Variants in PLEKHA7 observed in about 807,000 individuals in gnomAD.
The protein encoded by PLEKHA7 is pleckstrin homology domain containing A7, also known as pleckstrin homology domain-containing family A member 7.
In PLEKHA7, 104 loss-of-function variants were observed where a neutral mutation model predicts 170.0. The observed-to-expected ratio is 0.61, with a 90% CI of 0.52 to 0.72. The LOEUF (loss-of-function observed/expected upper bound fraction) is 0.72, where lower values mean the gene tolerates loss of function less well. Ranked by LOEUF, PLEKHA7 falls within the 30% of genes least tolerant of loss-of-function variation. The pLI, the probability that PLEKHA7 is intolerant of heterozygous loss-of-function variation, is 0.00. For synonymous variants in PLEKHA7, 648 were observed against 660.8 expected (o/e 0.98, Z 0.30); for missense variants, 1,615 against 1,671.7 (o/e 0.97, Z 0.59).
At chr11:16,987,049 TCAAATTAATTGCC>T (rs889099151) in intron 3 of PLEKHA7, among the ~76,000 whole-genome samples, 6 of 152,136 alleles carry the variant, frequency 3.9e-5, no homozygotes, top group Non-Finnish European at 8.8e-5. Flanking sequence ...TTACAATCCA[TCAAATTAATTGCC>T]CCAAATGGGA....
intron 3 of PLEKHA7, among the ~76,000 whole-genome samples, chr11:17,005,624 C>G (rs1006733535): frequency 6.6e-6 from 1 of 152,202 alleles, no homozygotes; most frequent in African/African-American, 2.4e-5. Flanking sequence ...GAAAACACCT[C>G]TTCCCAACCC....
At position 16,789,834 on chromosome 11, in the gene PLEKHA7, C is replaced by G; in HGVS notation, c.3097G>C (p.Ala1033Pro). Residue 1033 changes from alanine (A) to proline (P), a missense_variant, in exon 22 of 27, where the codon GCT (alanine) becomes CCT (proline). By Grantham distance (27) the Ala-to-Pro change is conservative. Coordinates refer to ENST00000531066, the MANE Select transcript of PLEKHA7 (RefSeq NM_001329630.2). The surrounding 1 kb of genome is among the most constrained non-coding windows in gnomAD (Gnocchi z 4.6). Reference sequence around the variant, plus strand: ...CCCCTCCGGAGTGTGACGTAGGGAGCAATGGTGGACGACTGCTGGAGCCTT... The same window carrying G: ...CCCCTCCGGAGTGTGACGTAGGGAGGAATGGTGGACGACTGCTGGAGCCTT... ...TSRLQQSSTI[A>P]PYVTLRRGLN... 1 of 1,614,144 alleles carries G rather than the reference C, an allele frequency of 6.2e-7. No individual in the cohort carries two copies. Among genetic ancestry groups the G allele is most frequent in the East Asian group, 2.2e-5 (1 of 44,892 alleles).
At chr11:17,007,660 G>A (rs546691909) in intron 3 of PLEKHA7, among the ~76,000 whole-genome samples, 4 of 148,890 alleles carry the variant, frequency 2.7e-5, no homozygotes, top group South Asian at 2.1e-4. Context: ...GGCAACCTCC[G>A]CTTCCCAAGC....
chr11:16,882,211 G>T (rs964404578), intron 3 of PLEKHA7, among the ~76,000 whole-genome samples: 1 of 152,168 alleles, frequency 6.6e-6, no homozygotes, highest in African/African-American at 2.4e-5. Flanking sequence ...GTCCACTTAG[G>T]ATGACTGTAT....
intron 4 of PLEKHA7, among the ~76,000 whole-genome samples, chr11:16,869,250 C>A (rs965758948): frequency 6.6e-6 from 1 of 152,230 alleles, no homozygotes; most frequent in Non-Finnish European, 1.5e-5. Flanking sequence ...CCAACCCCAG[C>A]CCCTGACTGT....
chr11:17,003,179 TG>T (rs1317859472), intron 3 of PLEKHA7, among the ~76,000 whole-genome samples: 6 of 152,068 alleles, frequency 3.9e-5, no homozygotes, highest in Admixed American at 1.3e-4. Context: ...TTAGTAGAGA[TG>T]GGGTTTCTCC....
At chr11:16,779,829 G>C (rs975686460) in intron 26 of PLEKHA7, among the ~76,000 whole-genome samples, 2 of 152,196 alleles carry the variant, frequency 1.3e-5, no homozygotes, top group African/African-American at 4.8e-5. Flanking sequence ...GCTGCTCGGG[G>C]CGGCCCAGAT....
chr11:17,004,397 C>CT (rs11420002), intron 3 of PLEKHA7, among the ~76,000 whole-genome samples: 90,985 of 144,480 alleles, frequency 0.63, 29,032 homozygotes, highest in East Asian at 0.96. Context: ...TTTTCTTTTT[C>CT]TTTTTTTTTT....
chr11:16,998,724 T>C (rs1864489698), intron 3 of PLEKHA7, among the ~76,000 whole-genome samples: 1 of 152,198 alleles, frequency 6.6e-6, no homozygotes, highest in African/African-American at 2.4e-5. Context: ...CATAAGTGGA[T>C]ATAATTTCAA....
At chr11:16,871,959 T>C (rs937495746) in intron 3 of PLEKHA7, among the ~76,000 whole-genome samples, 1 of 143,886 alleles carries the variant, frequency 6.9e-6, no homozygotes, top group Admixed American at 7.5e-5. Flanking sequence ...TTCAAAATCA[T>C]AGTAAATGTA....
chr11:16,985,594 C>T (rs79450093), intron 3 of PLEKHA7, among the ~76,000 whole-genome samples: 7,666 of 152,204 alleles, frequency 0.05, 366 homozygotes, highest in East Asian at 0.14. Context: ...GCAGGGAAGG[C>T]GGAACCACTT....
At chr11:16,842,382 G>A in intron 8 of PLEKHA7, 1 of 153,354 alleles carries the variant, frequency 6.5e-6, no homozygotes. Flanking sequence ...TCCTGAAGCT[G>A]CACACCAGTC....
chr11:16,859,134 GC>G (rs991299459), intron 4 of PLEKHA7, among the ~76,000 whole-genome samples: 2 of 152,270 alleles, frequency 1.3e-5, no homozygotes, highest in South Asian at 2.1e-4. Flanking sequence ...CTTCACCAAG[GC>G]CCCCCATGAG....
chr11:17,010,342 G>C (rs1320793147), intron 3 of PLEKHA7, among the ~76,000 whole-genome samples: 1 of 152,030 alleles, frequency 6.6e-6, no homozygotes, highest in African/African-American at 2.4e-5. Flanking sequence ...AGTGAGCTGA[G>C]ATCGTGCCAC....
intron 3 of PLEKHA7, among the ~76,000 whole-genome samples, chr11:16,976,039 C>T (rs1446932142): frequency 6.6e-6 from 1 of 152,222 alleles, no homozygotes; most frequent in Non-Finnish European, 1.5e-5. Flanking sequence ...CCTCTGGCCC[C>T]TTTTGGCTCA....
intron 3 of PLEKHA7, among the ~76,000 whole-genome samples, chr11:16,891,936 C>G (rs778748579): frequency 2.6e-4 from 40 of 152,156 alleles, no homozygotes; most frequent in Admixed American, 1.3e-4. Context: ...TAATTTGTTC[C>G]CTGAGGTTCA....
At chr11:16,809,883 C>G (rs961443503) in intron 13 of PLEKHA7, among the ~76,000 whole-genome samples, 4 of 152,240 alleles carry the variant, frequency 2.6e-5, no homozygotes, top group Non-Finnish European at 4.4e-5. Flanking sequence ...TCCTGAATCG[C>G]CCCTAACTCC....
rs542003558 is a variant in PLEKHA7 at position 17,004,865 on chromosome 11, C to A, written c.221+9124G>T. ...GAAAATTGAAAAGCAAATGTTTTGA[C>A]AGCCATTTAAAAACAACAGGCAAAT... On this transcript the variant is annotated intron_variant, in intron 3 of 26. Transcript: ENST00000531066. Among the ~76,000 whole-genome samples the A allele has an allele frequency of 1.2e-3, 180 of 152,302 alleles. 3 individuals are homozygous for A. In the South Asian group the frequency reaches 0.015, roughly 12 times the overall value.
intron 3 of PLEKHA7, among the ~76,000 whole-genome samples, chr11:16,986,481 A>C (rs1863733592): frequency 6.6e-6 from 1 of 152,132 alleles, no homozygotes; most frequent in Non-Finnish European, 1.5e-5. Flanking sequence ...TGCTGGGGAG[A>C]TGCCAGCAGA....
Sources: allele counts gnomAD v4.1 joint callset (sites outside exome capture counted in the v4.1 genomes callset), GRCh38; gene constraint gnomAD v4.1.1; non-coding constraint Gnocchi (gnomAD v3.1); transcripts MANE v1.5; gene names NCBI Gene and HGNC (gene_info 2026-07-23, HGNC 2026-07-21).